Variants in BCL2 observed in about 807,000 individuals in gnomAD.
The protein encoded by BCL2 is BCL2 apoptosis regulator.
Under a neutral mutation model 14.2 loss-of-function variants are expected in BCL2, and 1 was observed. The ratio of observed to expected loss-of-function variants is 0.07; its 90% CI spans 0.02 to 0.33. BCL2 has a LOEUF of 0.33. Ranked by LOEUF, BCL2 falls within the 10% of genes least tolerant of loss-of-function variation. BCL2 has a pLI of 0.99. For synonymous variants in BCL2, 151 were observed against 137.2 expected, an observed-to-expected ratio of 1.10 and a Z score of -0.70; for missense variants, 247 against 305.9, an observed-to-expected ratio of 0.81 and a Z score of 1.44.
chr18:63,212,610 C>T (rs1599248264), intron 2 of BCL2, among the ~76,000 whole-genome samples: 1 of 152,112 alleles, frequency 6.6e-6, no homozygotes, highest in East Asian at 1.9e-4. Context: ...GGTGCGGTGG[C>T]TCACAACTGT....
chr18:63,199,497 T>G (rs568846780), intron 2 of BCL2, among the ~76,000 whole-genome samples: 2 of 134,738 alleles, frequency 1.5e-5, no homozygotes, highest in African/African-American at 5.7e-5. Context: ...CAGAGACACA[T>G]GCATACACAG....
At chr18:63,299,909 C>A (rs1035356210) in intron 2 of BCL2, among the ~76,000 whole-genome samples, 4 of 150,782 alleles carry the variant, frequency 2.7e-5, no homozygotes, top group African/African-American at 9.7e-5. Context: ...CAGGAAAAAA[C>A]TCACTGGACT....
intron 2 of BCL2, among the ~76,000 whole-genome samples, chr18:63,136,700 G>T (rs1438625514): frequency 2.0e-5 from 3 of 152,222 alleles, no homozygotes; most frequent in African/African-American, 7.2e-5. Flanking sequence ...TGCATCTCTT[G>T]TTAACCCACT....
intron 2 of BCL2, among the ~76,000 whole-genome samples, chr18:63,176,956 T>A (rs7244617): frequency 0.3 from 45,165 of 150,720 alleles, 9,037 homozygotes; most frequent in African/African-American, 0.54. Context: ...CACTCCCATC[T>A]TCTGGGCTGG....
Position 63,169,421 on chromosome 18 carries a change from C to T in BCL2, c.586-40662G>A, listed in dbSNP as rs141057516. Among the ~76,000 whole-genome samples, 739 of 110,208 alleles carry T rather than the reference C, an allele frequency of 6.7e-3. 63 individuals carry two copies. The highest frequency in any genetic ancestry group is 0.019 in the African/African-American group (434 of 23,456). 72.3% of individuals were successfully genotyped at this position (110,208 alleles called of 152,430 possible). ...TCTTTCTTTTTCTTTCTCTCTCTCT[C>T]TCTCTCTTTCTTTTTCTTTCTTTCC... On this transcript the variant is annotated intron_variant, in intron 2 of 2. Coordinates refer to ENST00000333681, the MANE Select transcript of BCL2 (RefSeq NM_000633.3).
At chr18:63,251,654 A>T (rs1911320543) in intron 2 of BCL2, among the ~76,000 whole-genome samples, 2 of 151,074 alleles carry the variant, frequency 1.3e-5, no homozygotes, top group Non-Finnish European at 1.5e-5. Flanking sequence ...CAAAAAAAAA[A>T]AGAAAGAAAG....
chr18:63,155,312 A>G (rs1914748797), intron 2 of BCL2, among the ~76,000 whole-genome samples: 2 of 152,356 alleles, frequency 1.3e-5, no homozygotes, highest in South Asian at 2.1e-4. Flanking sequence ...GGGACAGTCA[A>G]CTTGAGGAGG....
chr18:63,142,146 T>C (rs988449694), intron 2 of BCL2, among the ~76,000 whole-genome samples: 2 of 152,212 alleles, frequency 1.3e-5, no homozygotes, highest in African/African-American at 4.8e-5. Context: ...AAGTGTTGAC[T>C]GAGGCTGGTG....
chr18:63,151,901 A>G (rs1914661839), intron 2 of BCL2, among the ~76,000 whole-genome samples: 2 of 152,172 alleles, frequency 1.3e-5, no homozygotes, highest in Non-Finnish European at 2.9e-5. Context: ...GAAAACAGAG[A>G]GTTAAATGGG....
chr18:63,290,436 C>A (rs1041132496), intron 2 of BCL2, among the ~76,000 whole-genome samples: 1 of 152,152 alleles, frequency 6.6e-6, no homozygotes, highest in Non-Finnish European at 1.5e-5. Flanking sequence ...AACTTCCCAA[C>A]CATTTGCTCA....
intron 2 of BCL2, among the ~76,000 whole-genome samples, chr18:63,303,884 G>T (rs1352903172): frequency 6.6e-6 from 1 of 152,130 alleles, no homozygotes; most frequent in East Asian, 1.9e-4. Context: ...AAACATTTTA[G>T]CCAAAAATAG....
chr18:63,183,091 C>T (rs566775932), intron 2 of BCL2, among the ~76,000 whole-genome samples: 1 of 152,314 alleles, frequency 6.6e-6, no homozygotes, highest in East Asian at 1.9e-4. Context: ...GGCTCAGACC[C>T]ACCCCTTGCT....
intron 2 of BCL2, among the ~76,000 whole-genome samples, chr18:63,307,882 A>C (rs1378069860): frequency 2.0e-5 from 3 of 152,242 alleles, no homozygotes; most frequent in African/African-American, 7.2e-5. Flanking sequence ...TCATGGGGAC[A>C]AATCTACAAG....
chr18:63,287,527 C>A (rs1309868199), intron 2 of BCL2, among the ~76,000 whole-genome samples: 3 of 152,180 alleles, frequency 2.0e-5, no homozygotes, highest in Non-Finnish European at 4.4e-5. Context: ...AAACTCTCAT[C>A]ATGAAATATG....
chr18:63,198,029 G>T (rs28552745), intron 2 of BCL2, among the ~76,000 whole-genome samples: 233 of 152,290 alleles, frequency 1.5e-3, no homozygotes, highest in African/African-American at 5.4e-3. Context: ...TCTTTCTTTT[G>T]TAAGAAAGTA....
chr18:63,311,303 G>C (rs1015504124), intron 2 of BCL2, among the ~76,000 whole-genome samples: 1 of 152,152 alleles, frequency 6.6e-6, no homozygotes, highest in Admixed American at 6.5e-5. Context: ...CTGCTAAGGA[G>C]AGCTGGAAAA....
At chr18:63,199,889 C>A (rs561403036) in intron 2 of BCL2, among the ~76,000 whole-genome samples, 9 of 152,098 alleles carry the variant, frequency 5.9e-5, no homozygotes, top group African/African-American at 1.9e-4. Flanking sequence ...GGGGTAAATA[C>A]GGTAGCACGG....
intron 2 of BCL2, among the ~76,000 whole-genome samples, chr18:63,221,581 T>C (rs1470919693): frequency 6.6e-6 from 1 of 152,214 alleles, no homozygotes; most frequent in Non-Finnish European, 1.5e-5. Context: ...GCCCTGGGAA[T>C]AGTGGTGAGA....
At chr18:63,265,170 C>T (rs950765677) in intron 2 of BCL2, among the ~76,000 whole-genome samples, 1 of 152,102 alleles carries the variant, frequency 6.6e-6, no homozygotes, top group Non-Finnish European at 1.5e-5. Flanking sequence ...CAGAGCACCA[C>T]GCTAAGGTCT....
Sources: allele counts gnomAD v4.1 joint callset (sites outside exome capture counted in the v4.1 genomes callset), GRCh38; gene constraint gnomAD v4.1.1; transcripts MANE v1.5; gene names NCBI Gene and HGNC (gene_info 2026-07-23, HGNC 2026-07-21).